Variants in TTC28 observed in about 807,000 individuals in gnomAD.
TTC28 encodes tetratricopeptide repeat protein 28.
In TTC28, 61 loss-of-function variants were observed where a neutral mutation model predicts 198.0. The observed-to-expected ratio is 0.31, with a 90% CI of 0.25 to 0.38. TTC28 has a LOEUF of 0.38. Ranked by LOEUF, TTC28 falls within the 10% of genes least tolerant of loss-of-function variation. The pLI is 1.00. For missense variants in TTC28, 2,678 were observed against 3,164.0 expected (o/e 0.85, Z 3.69); for synonymous variants, 1,171 against 1,297.8 (o/e 0.90, Z 2.10).
At chr22:28,422,492 G>A (rs566393455) in intron 2 of TTC28, among the ~76,000 whole-genome samples, 7 of 151,010 alleles carry the variant, frequency 4.6e-5, no homozygotes, top group African/African-American at 7.3e-5. Flanking sequence ...AGGCTGGAGT[G>A]CAGTGGCGCG....
chr22:28,199,772 C>T (rs1925762698), intron 5 of TTC28, among the ~76,000 whole-genome samples: 1 of 151,832 alleles, frequency 6.6e-6, no homozygotes, highest in African/African-American at 2.4e-5. Context: ...CTAGATGCCA[C>T]TAACAAGTCT....
Position 28,311,749 on chromosome 22 carries a change from A to T in TTC28, c.382-5106T>A, listed in dbSNP as rs185436463. On this transcript the variant is annotated intron_variant, in intron 2 of 22. Coordinates refer to ENST00000397906, the MANE Select transcript of TTC28 (RefSeq NM_001145418.2). Reference sequence around the variant, plus strand: ...ATCCTGTTGTGCTACCAAATACTAGATCTTATTCATTCTATATAACTATAT... The same window carrying T: ...ATCCTGTTGTGCTACCAAATACTAGTTCTTATTCATTCTATATAACTATAT... Among the ~76,000 whole-genome samples the T allele has an allele frequency of 7.2e-5, 11 of 152,076 alleles. No homozygotes were observed. The East Asian group carries it at 2.1e-3, about 29-fold the overall frequency.
chr22:28,165,990 C>G (rs933251502), intron 5 of TTC28, among the ~76,000 whole-genome samples: 2 of 151,650 alleles, frequency 1.3e-5, no homozygotes, highest in Non-Finnish European at 3.0e-5. Flanking sequence ...GAAGATCTAC[C>G]AAGCAAATGG....
intron 2 of TTC28, among the ~76,000 whole-genome samples, chr22:28,563,133 GAAGAAGAAT>G (rs2049915345): frequency 1.3e-5 from 2 of 151,696 alleles, no homozygotes; most frequent in South Asian, 2.1e-4. Flanking sequence ...AAAATAATAA[GAAGAAGAAT>G]AAGATAGAAA....
intron 2 of TTC28, among the ~76,000 whole-genome samples, chr22:28,538,916 T>C (rs1375958267): frequency 6.6e-6 from 1 of 152,188 alleles, no homozygotes; most frequent in Non-Finnish European, 1.5e-5. Context: ...AAAAAGTGAA[T>C]ATTTTAAAGA....
intron 13 of TTC28, among the ~76,000 whole-genome samples, chr22:28,027,349 T>C (rs1255175439): frequency 1.3e-5 from 2 of 152,224 alleles, no homozygotes; most frequent in African/African-American, 2.4e-5. Flanking sequence ...AAAATGCACA[T>C]GTGTTTTCTG....
intron 1 of TTC28, among the ~76,000 whole-genome samples, chr22:28,660,758 A>T (rs1304825921): frequency 6.6e-6 from 1 of 151,736 alleles, no homozygotes; most frequent in Non-Finnish European, 1.5e-5. Flanking sequence ...TCCTGACCTC[A>T]GGTGATCCAC....
chr22:28,051,235 G>A (rs1253773370), intron 12 of TTC28, among the ~76,000 whole-genome samples: 1 of 152,132 alleles, frequency 6.6e-6, no homozygotes, highest in Non-Finnish European at 1.5e-5. Context: ...TGACTCCCAG[G>A]CTCCTGGCAG....
chr22:28,596,564 C>T (rs992880496), intron 2 of TTC28, among the ~76,000 whole-genome samples: 2 of 152,118 alleles, frequency 1.3e-5, no homozygotes, highest in Non-Finnish European at 2.9e-5. Context: ...TAATAAATTA[C>T]TTTTTAGTGA....
chr22:28,125,823 T>C (rs1942900371), intron 6 of TTC28, among the ~76,000 whole-genome samples: 1 of 151,780 alleles, frequency 6.6e-6, no homozygotes. Flanking sequence ...ATCTGTTAAA[T>C]AAAAAAAATG....
chr22:27,999,412 A>G, intron 15 of TTC28, 152 bp from the exon 16 acceptor site: 1 of 1,211,122 alleles, frequency 8.3e-7, no homozygotes, highest in South Asian at 1.6e-5. Context: ...CTTATTTTTC[A>G]ACATCTTTTT....
chr22:28,500,955 TG>T (rs2048529901), intron 2 of TTC28, among the ~76,000 whole-genome samples: 1 of 152,202 alleles, frequency 6.6e-6, no homozygotes. Context: ...CTTGCAAACT[TG>T]CAAAACAGGA....
intron 12 of TTC28, among the ~76,000 whole-genome samples, chr22:28,064,778 C>T (rs2143420): frequency 0.13 from 20,308 of 152,050 alleles, 1,457 homozygotes; most frequent in Non-Finnish European, 0.16. Flanking sequence ...ACAGACATAT[C>T]AAATGAGTGA....
At chr22:28,101,834 A>G (rs1052540863) in intron 8 of TTC28, among the ~76,000 whole-genome samples, 12 of 151,816 alleles carry the variant, frequency 7.9e-5, no homozygotes, top group Non-Finnish European at 1.6e-4. Context: ...ACACAGCTAG[A>G]TAAAATGAGG....
chr22:28,663,121 G>A (rs1005949570), intron 1 of TTC28, among the ~76,000 whole-genome samples: 1 of 151,732 alleles, frequency 6.6e-6, no homozygotes. Flanking sequence ...GGTGGCGAAC[G>A]CCTGTAGTCC....
chr22:28,279,444 C>T (rs944626725), intron 5 of TTC28, among the ~76,000 whole-genome samples: 2 of 152,112 alleles, frequency 1.3e-5, no homozygotes, highest in Admixed American at 1.3e-4. Flanking sequence ...AATCTTGGCT[C>T]ACTGCAACCT....
chr22:28,495,787 A>G lies in TTC28; in HGVS notation c.381+133765T>C, dbSNP rs149423687. Among the ~76,000 whole-genome samples, 1,064 of 152,274 alleles carry G rather than the reference A, an allele frequency of 7.0e-3. 12 individuals carry two copies. The highest frequency in any genetic ancestry group is 0.025 in the African/African-American group (1,027 of 41,564). ...ATTGTTCAAGTGCCTCCTGTGTTTG[A>G]ACATATTAATATAAGTTTAACACAA... On this transcript the variant is annotated intron_variant, in intron 2 of 22. Transcript: ENST00000397906.
intron 2 of TTC28, among the ~76,000 whole-genome samples, chr22:28,497,915 T>A (rs1030083515): frequency 6.6e-6 from 1 of 152,156 alleles, no homozygotes; most frequent in Non-Finnish European, 1.5e-5. Context: ...AATTTTCAAT[T>A]AATAAACTAA....
chr22:28,167,904 T>C (rs1019744025), intron 5 of TTC28, among the ~76,000 whole-genome samples: 12 of 152,224 alleles, frequency 7.9e-5, no homozygotes, highest in East Asian at 1.9e-4. Context: ...GATGACATGA[T>C]TGTATATCTA....
Sources: gnomAD v4.1 joint callset for allele counts (sites outside exome capture counted in the v4.1 genomes callset) on GRCh38, gnomAD v4.1.1 for gene constraint, MANE v1.5 for transcripts, NCBI Gene and HGNC (gene_info 2026-07-23, HGNC 2026-07-21) for gene names.